LTA4H: variants seen among roughly 807,000 people sequenced by gnomAD.
LTA4H encodes the protein leukotriene A4 hydrolase.
LTA4H carries 59 observed loss-of-function variants against 89.8 expected under a neutral mutation model. The observed-to-expected ratio is 0.66, with a 90% confidence interval of 0.53 to 0.82. The LOEUF is 0.82. Ranked by LOEUF, LTA4H falls within the 40% of genes least tolerant of loss-of-function variation. The probability of loss-of-function intolerance (pLI) is 0.00; values close to 1 mark genes in which losing one functional copy is unlikely to be tolerated. For missense variants in LTA4H, 617 were observed against 727.0 expected (o/e 0.85, Z 1.74); for synonymous variants, 227 against 253.1 (o/e 0.90, Z 0.98).
chr12:96,025,423 CA>C (rs1485664129), intron 3 of LTA4H: 3 of 152,184 alleles, frequency 2.0e-5, no homozygotes, highest in African/African-American at 7.2e-5. Context: ...AACAAAGAAG[CA>C]AAGAAGGGAG....
intron 10 of LTA4H, 63 bp from the exon 11 acceptor site, chr12:96,015,757 A>C: frequency 1.8e-6 from 2 of 1,125,260 alleles, no homozygotes; most frequent in South Asian, 1.3e-5. Flanking sequence ...ATTTCAATCA[A>C]GATATTTTCT....
intron 1 of LTA4H, among the ~76,000 whole-genome samples, chr12:96,034,700 G>C (rs1006251404): frequency 1.3e-5 from 2 of 152,234 alleles, no homozygotes; most frequent in African/African-American, 4.8e-5. Flanking sequence ...AGGCCTGCCC[G>C]GCCGGGGCTG....
At chr12:96,038,380 C>T (rs1040985686), upstream of LTA4H, among the ~76,000 whole-genome samples, 1 of 152,132 alleles carries the variant, frequency 6.6e-6, no homozygotes, top group Non-Finnish European at 1.5e-5. Context: ...AATTTGTCAT[C>T]AACATTTGCA....
At chr12:96,001,171 G>A in intron 18 of LTA4H, 65 bp from the exon 19 acceptor site, 3 of 987,650 alleles carry the variant, frequency 3.0e-6, no homozygotes, top group Non-Finnish European at 4.9e-6. Context: ...GAGAAAGGGA[G>A]GGAGAGAAGA....
At chr12:96,034,323 G>C (rs561029016) in intron 1 of LTA4H, among the ~76,000 whole-genome samples, 1 of 152,188 alleles carries the variant, frequency 6.6e-6, no homozygotes, top group Non-Finnish European at 1.5e-5. Context: ...CAGGTGAAAG[G>C]TACCTTCAGA....
intron 14 of LTA4H, chr12:96,011,002 T>C (rs1195246854): frequency 6.6e-6 from 1 of 152,194 alleles, no homozygotes; most frequent in Non-Finnish European, 1.5e-5. Context: ...TTTTCTAAGA[T>C]ACTCTCTCTT....
upstream of LTA4H, chr12:96,035,654 A>C: frequency 9.1e-6 from 13 of 1,429,926 alleles, no homozygotes; most frequent in Non-Finnish European, 1.1e-5. Context: ...CGGGAAAGGA[A>C]GTTTCTTAAA....
Position 96,013,843 on chromosome 12 carries a change from T to C in LTA4H, c.1215A>G (p.Leu405=). 1 of 1,455,538 alleles carries C rather than the reference T, an allele frequency of 6.9e-7. No homozygotes were observed. The highest frequency in any genetic ancestry group is 9.5e-7 in the Non-Finnish European group (1 of 1,052,278). 90.2% of individuals were successfully genotyped at this position (1,455,538 alleles called of 1,614,324 possible). Residue 405 remains leucine, a synonymous_variant, in exon 13 of 19, where the codon CTA becomes CTG. Transcript: ENST00000228740. ...TCTCAACATAAGCTTTTAAGAATCC[T>C]AGGAAAATCTCTAAGAGTAAAAAAG... The part of the protein sequence containing the change: ...EQLLGGPEIF[L]GFLKAYVEKF...
chr12:96,023,969 G>A (rs377567788), intron 4 of LTA4H, among the ~76,000 whole-genome samples: 7 of 150,916 alleles, frequency 4.6e-5, no homozygotes, highest in East Asian at 1.9e-4. Context: ...TGGCTCTGTC[G>A]CCCAGGCTGG....
intron 4 of LTA4H, among the ~76,000 whole-genome samples, chr12:96,023,487 A>T (rs923698967): frequency 2.6e-5 from 4 of 152,030 alleles, no homozygotes; most frequent in African/African-American, 9.7e-5. Context: ...AGTAGTTGGG[A>T]CTTCACGCAG....
chr12:96,026,461 G>C (rs918763062), intron 3 of LTA4H, among the ~76,000 whole-genome samples: 46 of 152,056 alleles, frequency 3.0e-4, no homozygotes, highest in African/African-American at 1.1e-3. Flanking sequence ...TGCCAACTTT[G>C]GTTAATAGAC....
chr12:96,016,990 G>T (rs1950387257), intron 10 of LTA4H, 54 bp downstream of exon 10: 1 of 1,213,824 alleles, frequency 8.2e-7, no homozygotes, highest in Non-Finnish European at 1.2e-6. Flanking sequence ...TAGGAGGCAG[G>T]GAAAAAAAAA....
At chr12:96,008,594 C>T (rs1177529016) in intron 15 of LTA4H, among the ~76,000 whole-genome samples, 1 of 151,718 alleles carries the variant, frequency 6.6e-6, no homozygotes, top group Non-Finnish European at 1.5e-5. Context: ...GGATTAATGC[C>T]TTCAACATCA....
At position 96,001,067 on chromosome 12, in the gene LTA4H, G is replaced by C; in HGVS notation, c.1758C>G (p.Val586=). The C allele has an allele frequency of 6.2e-7, 1 of 1,614,014 alleles. No individual in the cohort carries two copies. The highest frequency in any genetic ancestry group is 8.5e-7 in the Non-Finnish European group (1 of 1,179,990). Residue 586 remains valine (V), a synonymous_variant, in exon 19 of 19, where the codon GTC becomes GTG. Coordinates refer to ENST00000228740, the MANE Select transcript of LTA4H (RefSeq NM_000895.3). ...AAFDKSHDQA[V]RTYQEHKASM... is the part of the protein sequence containing the mutation. ...TTGCTTTGTGCTCTTGGTAGGTTCG[G>C]ACAGCTTGATCATGGGATTTGTCAA... is the stretch of plus-strand genomic sequence containing the variant.
At chr12:96,040,620 G>A (rs1232209269) in intron 1 of LTA4H, among the ~76,000 whole-genome samples, 2 of 152,182 alleles carry the variant, frequency 1.3e-5, no homozygotes, top group Non-Finnish European at 2.9e-5. Flanking sequence ...CTACCATGTT[G>A]TATCATGATG....
intron 1 of LTA4H, among the ~76,000 whole-genome samples, chr12:96,029,561 T>C (rs1950551415): frequency 6.6e-6 from 1 of 152,188 alleles, no homozygotes; most frequent in Non-Finnish European, 1.5e-5. Context: ...TTACACAATA[T>C]ATTTCCTCCT....
At position 96,003,865 on chromosome 12, in the gene LTA4H, GC is replaced by G. The variant is rs1446395613; in HGVS notation, c.1585del (p.Ala529ProfsTer28). 1.2e-6 allele frequency: 2 copies of G among 1,609,414 alleles called. No individual in the cohort carries two copies. Among genetic ancestry groups the G allele is most frequent in the Non-Finnish European group, 1.7e-6 (2 of 1,177,552 alleles). On this transcript the variant is annotated frameshift_variant, in exon 17 of 19. Transcript: ENST00000228740. LOFTEE classifies it high-confidence loss of function. ...KRMQEVYNFN[A>X]INNSEIRFRW... ...GAATCGTATTTCAGAATTGTTAATG[GC>G]ATTGAAGTTGTACACCTCTTGCATT...
At chr12:96,037,725 G>A (rs1182208458), upstream of LTA4H, among the ~76,000 whole-genome samples, 1 of 135,124 alleles carries the variant, frequency 7.4e-6, no homozygotes, top group East Asian at 2.3e-4. Flanking sequence ...ACGGAGTCTC[G>A]CTCTGTCGCC....
intron 4 of LTA4H, among the ~76,000 whole-genome samples, chr12:96,023,078 G>A (rs1468301720): frequency 1.3e-5 from 2 of 152,152 alleles, no homozygotes; most frequent in Non-Finnish European, 2.9e-5. Context: ...CTGAAAGTTT[G>A]ATTTCTGATG....
Sources: allele counts gnomAD v4.1 joint callset (sites outside exome capture counted in the v4.1 genomes callset), GRCh38; gene constraint gnomAD v4.1.1; transcripts MANE v1.5; gene names NCBI Gene and HGNC (gene_info 2026-07-23, HGNC 2026-07-21).